GFPT2: variants seen among roughly 807,000 people sequenced by gnomAD.
GFPT2 encodes the protein glutamine--fructose-6-phosphate transaminase 2.
A neutral mutation model predicts 85.6 loss-of-function variants in GFPT2; 62 were observed. The ratio of observed to expected loss-of-function variants is 0.72; its 90% CI spans 0.59 to 0.90. The LOEUF (loss-of-function observed/expected upper bound fraction) is 0.90. Ranked by LOEUF, GFPT2 falls within the 40% of genes least tolerant of loss-of-function variation. GFPT2 has a pLI of 0.00. For synonymous variants in GFPT2, 368 were observed against 344.5 expected (o/e 1.07, Z -0.75); for missense variants, 788 against 893.4 (o/e 0.88, Z 1.50).
At chr5:180,342,542 C>T (rs1012568838) in intron 1 of GFPT2, among the ~76,000 whole-genome samples, 1 of 150,248 alleles carries the variant, frequency 6.7e-6, no homozygotes, top group South Asian at 2.2e-4. Context: ...TCCCAAAGTG[C>T]TGGGATTACA....
chr5:180,330,001 A>G lies in GFPT2; in HGVS notation c.534+699T>C, dbSNP rs552553434. On this transcript the variant is annotated intron_variant, in intron 6 of 18. Coordinates refer to ENST00000253778, the MANE Select transcript of GFPT2 (RefSeq NM_005110.4). The surrounding 1 kb of genome is among the most constrained non-coding windows in gnomAD (Gnocchi z 4.4). ...CCTCTTTTGGGCCATTCCGTTCCAC[A>G]TACAGACATGCTGTGATATCACCTA... 1.8e-3 allele frequency among the ~76,000 whole-genome samples: 280 copies of G among 152,328 alleles called. 1 individual carries two copies. Among genetic ancestry groups the G allele is most frequent in the African/African-American group, 6.4e-3 (264 of 41,568 alleles).
chr5:180,321,670 C>T (rs182174670), intron 9 of GFPT2, among the ~76,000 whole-genome samples: 2 of 152,386 alleles, frequency 1.3e-5, no homozygotes, highest in East Asian at 3.9e-4. Flanking sequence ...ATTCCTTTCT[C>T]AGCATGTGTT....
chr5:180,339,996 C>T (rs1365934939), intron 1 of GFPT2, among the ~76,000 whole-genome samples: 5 of 152,190 alleles, frequency 3.3e-5, no homozygotes, highest in Admixed American at 3.3e-4. Flanking sequence ...TTGGCTTGGG[C>T]TGCTGTAACA....
intron 16 of GFPT2, among the ~76,000 whole-genome samples, chr5:180,306,440 T>C (rs7730585): frequency 0.63 from 96,058 of 152,156 alleles, 30,420 homozygotes; most frequent in East Asian, 0.87. Flanking sequence ...GTGCATGGCA[T>C]GCTGACAGCG....
intron 1 of GFPT2, among the ~76,000 whole-genome samples, chr5:180,342,704 A>G (rs1764541867): frequency 6.6e-6 from 1 of 152,188 alleles, no homozygotes; most frequent in South Asian, 2.1e-4. Context: ...GCTCAAGACC[A>G]GCCTAGCCAA....
rs187594179 is a variant in GFPT2 at position 180,336,306 on chromosome 5, A to G, written c.214+173T>C. 68 of 646,964 alleles carry G rather than the reference A, an allele frequency of 1.1e-4. 1 individual carries two copies. In the Admixed American group the frequency reaches 1.7e-3, roughly 16 times the overall value. 40.1% of individuals were successfully genotyped at this position (646,964 alleles called of 1,614,324 possible). ...TATCCATGCGCCGCCACCACCTAAA[A>G]TAAACCATCCCATACCCTGCGAAGC... On this transcript the variant is annotated intron_variant, in intron 3 of 18. Coordinates refer to ENST00000253778, the MANE Select transcript of GFPT2 (RefSeq NM_005110.4).
Position 180,301,920 on chromosome 5 carries a change from C to T in GFPT2, c.2005-312G>A, listed in dbSNP as rs576526362. On this transcript the variant is annotated intron_variant, in intron 18 of 18. Coordinates refer to ENST00000253778, the MANE Select transcript of GFPT2 (RefSeq NM_005110.4). ...TACTGTTAAAAATTAACTTTTCTTG[C>T]AAGAATATATATGAATTCCATGGGA... Among the ~76,000 whole-genome samples the T allele has an allele frequency of 4.0e-4, 61 of 151,252 alleles. 1 individual carries two copies. In the South Asian group the frequency reaches 9.9e-3, roughly 25 times the overall value.
intron 1 of GFPT2, among the ~76,000 whole-genome samples, chr5:180,346,484 T>A (rs115045618): frequency 6.6e-6 from 1 of 152,146 alleles, no homozygotes; most frequent in Non-Finnish European, 1.5e-5. Flanking sequence ...CACCAGGGCC[T>A]CGGTGACCAC....
chr5:180,316,645 C>T, intron 12 of GFPT2, 119 bp downstream of exon 12: 10 of 905,574 alleles, frequency 1.1e-5, no homozygotes, highest in Non-Finnish European at 1.5e-5. Flanking sequence ...CACGCTAGCT[C>T]ATGGGAATGG....
intron 1 of GFPT2, among the ~76,000 whole-genome samples, chr5:180,346,581 C>A (rs1028121656): frequency 6.6e-6 from 1 of 152,250 alleles, no homozygotes; most frequent in Non-Finnish European, 1.5e-5. Context: ...TGCTGTCTGG[C>A]CTGAGCCCGC....
chr5:180,342,183 AGT>A (rs1295127498), intron 1 of GFPT2, among the ~76,000 whole-genome samples: 3 of 152,126 alleles, frequency 2.0e-5, no homozygotes, highest in African/African-American at 7.2e-5. Context: ...TGGAACTATG[AGT>A]CCATTAACCC....
chr5:180,324,662 C>G (rs1764179164), intron 8 of GFPT2, among the ~76,000 whole-genome samples, 154 bp downstream of exon 8: 1 of 152,236 alleles, frequency 6.6e-6, no homozygotes, highest in African/African-American at 2.4e-5. Flanking sequence ...GTCTCAGTTG[C>G]ACAAAAACCT....
At position 180,318,352 on chromosome 5, in the gene GFPT2, G is replaced by A. The variant is rs1764053424; in HGVS notation, c.958+441C>T. On this transcript the variant is annotated intron_variant, in intron 10 of 18. Coordinates refer to ENST00000253778, the MANE Select transcript of GFPT2 (RefSeq NM_005110.4). This position sits in a 1 kb window ranked among gnomAD's most constrained non-coding sequence, Gnocchi z 4.2. ...GGCTGATTCATGTTCTTAGACGTTTGCTCAGGCTGCCCTGTGGGGTAGAGG... is the reference window on the plus strand; with the variant it reads ...GGCTGATTCATGTTCTTAGACGTTTACTCAGGCTGCCCTGTGGGGTAGAGG... Among the ~76,000 whole-genome samples the A allele has an allele frequency of 6.6e-6, 1 of 152,154 alleles. No individual in the cohort carries two copies. The highest frequency in any genetic ancestry group is 1.5e-5 in the Non-Finnish European group (1 of 68,014).
Position 180,318,729 on chromosome 5 carries a change from C to T in GFPT2, c.958+64G>A, listed in dbSNP as rs1764060636. ...CCTCTACTAGGACCAGGCAGAGTGT[C>T]AGGAGCTCCACCAGGCGCGCTGGCT... On this transcript the variant is annotated intron_variant, in intron 10 of 18. Coordinates refer to ENST00000253778, the MANE Select transcript of GFPT2 (RefSeq NM_005110.4). This position sits in a 1 kb window ranked among gnomAD's most constrained non-coding sequence, Gnocchi z 4.2. The T allele has an allele frequency of 1.4e-6, 2 of 1,394,748 alleles. No homozygotes were observed. The highest frequency in any genetic ancestry group is 2.0e-6 in the Non-Finnish European group (2 of 997,566). 86.4% of individuals were successfully genotyped at this position (1,394,748 alleles called of 1,614,324 possible).
intron 15 of GFPT2, among the ~76,000 whole-genome samples, chr5:180,308,318 C>G (rs1407180529): frequency 6.6e-6 from 1 of 151,742 alleles, no homozygotes; most frequent in African/African-American, 2.4e-5. Context: ...AAAATATTCA[C>G]TTTAAAATAA....
At chr5:180,311,407 A>T (rs1192345606) in intron 15 of GFPT2, among the ~76,000 whole-genome samples, 1 of 152,244 alleles carries the variant, frequency 6.6e-6, no homozygotes, top group Non-Finnish European at 1.5e-5. Context: ...GGATGAATGA[A>T]GAAAGGGGAG....
chr5:180,316,923 TAGGCTCGGGCGG>T (rs1344438693), intron 11 of GFPT2, 28 bp downstream of exon 11: 3 of 1,563,318 alleles, frequency 1.9e-6, no homozygotes, highest in Non-Finnish European at 1.8e-6. Flanking sequence ...TCCCTGAGAC[TAGGCTCGGGCGG>T]AGGCTCCCCA....
At chr5:180,341,896 T>G (rs544161690) in intron 1 of GFPT2, among the ~76,000 whole-genome samples, 1 of 152,332 alleles carries the variant, frequency 6.6e-6, no homozygotes, top group East Asian at 1.9e-4. Context: ...TGTCACCTTA[T>G]TTTTTAAAAA....
At position 180,313,812 on chromosome 5, in the gene GFPT2, T is replaced by C. The variant is rs1471845696; in HGVS notation, c.1426A>G (p.Thr476Ala). The C allele has an allele frequency of 1.3e-6, 2 of 1,554,962 alleles. No homozygotes were observed. Among genetic ancestry groups the C allele is most frequent in the Non-Finnish European group, 1.7e-6 (2 of 1,154,796 alleles). ...GCGCCCGTGGCTCCTCCTACCTTGG[T>C]GCTGGCCACGCCGATCTCCGGCCCT... ...NAGPEIGVAS[T>A]KAYTSQFISL... is the part of the protein sequence containing the mutation. Residue 476 changes from threonine (T) to alanine (A), a missense_variant, in exon 14 of 19, where the codon ACC becomes GCC. Physicochemically the swap from Thr to Ala is moderately conservative, Grantham distance 58. Transcript: ENST00000253778.
Sources: gnomAD v4.1 joint callset for allele counts (sites outside exome capture counted in the v4.1 genomes callset) on GRCh38, gnomAD v4.1.1 for gene constraint, Gnocchi (gnomAD v3.1) non-coding constraint, MANE v1.5 for transcripts, NCBI Gene and HGNC (gene_info 2026-07-23, HGNC 2026-07-21) for gene names.